Variants in SLC39A11 observed in about 807,000 individuals in gnomAD.
The protein encoded by SLC39A11 is solute carrier family 39 member 11.
SLC39A11 carries 33 observed loss-of-function variants against 36.1 expected under a neutral mutation model. The ratio of observed to expected loss-of-function variants is 0.91; its 90% CI spans 0.69 to 1.22. The LOEUF is 1.22. Among genes scored for constraint, SLC39A11 ranks in the 50% most tolerant of loss-of-function variants. SLC39A11 has a pLI of 0.00. For missense variants in SLC39A11, 432 were observed against 430.3 expected, an observed-to-expected ratio of 1.00 and a Z score of -0.03; for synonymous variants, 166 against 170.3, an observed-to-expected ratio of 0.97 and a Z score of 0.20.
At chr17:72,966,759 G>A (rs865993102) in intron 4 of SLC39A11, among the ~76,000 whole-genome samples, 2 of 151,974 alleles carry the variant, frequency 1.3e-5, no homozygotes, top group African/African-American at 4.8e-5. Flanking sequence ...TTAGTAGAGA[G>A]GGGGTTTCCC....
intron 6 of SLC39A11, among the ~76,000 whole-genome samples, chr17:72,740,397 A>G (rs2144087433): frequency 6.6e-6 from 1 of 152,160 alleles, no homozygotes; most frequent in East Asian, 1.9e-4. Flanking sequence ...ATCATAAGGA[A>G]GAGAAAATAC....
intron 6 of SLC39A11, among the ~76,000 whole-genome samples, chr17:72,789,994 G>C (rs960187482): frequency 3.3e-5 from 5 of 152,220 alleles, no homozygotes; most frequent in African/African-American, 1.2e-4. Flanking sequence ...AGGGATGCCA[G>C]AATGCTATGA....
chr17:72,927,525 C>CA (rs142581905), intron 5 of SLC39A11, among the ~76,000 whole-genome samples: 2,165 of 152,222 alleles, frequency 0.014, 24 homozygotes, highest in Middle Eastern at 0.048. Flanking sequence ...TGCTTTAAAA[C>CA]AAAAAACTCC....
At chr17:72,690,965 T>G (rs2071999770) in intron 7 of SLC39A11, among the ~76,000 whole-genome samples, 1 of 151,954 alleles carries the variant, frequency 6.6e-6, no homozygotes. Flanking sequence ...ATTTCCCAAA[T>G]CTGTACAAGG....
At chr17:73,030,852 A>G (rs2148668731) in intron 4 of SLC39A11, among the ~76,000 whole-genome samples, 1 of 152,304 alleles carries the variant, frequency 6.6e-6, no homozygotes, top group Middle Eastern at 3.4e-3. Flanking sequence ...TCACAGCCAC[A>G]TGCCAGGCTG....
chr17:72,672,693 G>A (rs1284784702), intron 7 of SLC39A11, among the ~76,000 whole-genome samples: 1 of 152,098 alleles, frequency 6.6e-6, no homozygotes, highest in Non-Finnish European at 1.5e-5. Flanking sequence ...TCAAACTCCT[G>A]GGCTCCAGTG....
chr17:72,734,431 C>T (rs1355703487), intron 7 of SLC39A11, among the ~76,000 whole-genome samples: 1 of 152,126 alleles, frequency 6.6e-6, no homozygotes, highest in African/African-American at 2.4e-5. Flanking sequence ...CAGGCTGTGA[C>T]AATAATGGGT....
At chr17:72,770,996 T>C (rs1181614453) in intron 6 of SLC39A11, among the ~76,000 whole-genome samples, 1 of 152,036 alleles carries the variant, frequency 6.6e-6, no homozygotes, top group South Asian at 2.1e-4. Context: ...ATCTTAATGA[T>C]GTTAAAAAGT....
chr17:73,066,238 C>A (rs966601566), intron 3 of SLC39A11, among the ~76,000 whole-genome samples: 1 of 152,150 alleles, frequency 6.6e-6, no homozygotes, highest in Non-Finnish European at 1.5e-5. Context: ...AGGCAACAAA[C>A]ACCAAGGCCC....
In SLC39A11 at chr17:72,978,826, CTG is replaced by C. The variant is rs1035914061; in HGVS notation, c.307-30953_307-30952del. On this transcript the variant is annotated intron_variant, in intron 4 of 9. Transcript: ENST00000255559. ...AACGAAAGGAAACAACAAATCATCT[CTG>C]TTATCATTGAACACTTAGGGCACGC... is the stretch of plus-strand genomic sequence containing the variant. Among the ~76,000 whole-genome samples the C allele has an allele frequency of 2.0e-5, 3 of 152,224 alleles. No homozygotes were observed. In the East Asian group the frequency reaches 5.8e-4, roughly 29 times the overall value.
intron 4 of SLC39A11, among the ~76,000 whole-genome samples, chr17:72,982,005 G>GTTCTT (rs1458332747): frequency 6.6e-6 from 1 of 152,130 alleles, no homozygotes; most frequent in African/African-American, 2.4e-5. Context: ...CCACTTGGGA[G>GTTCTT]GCCAAGGCAA....
chr17:72,875,228 G>GT (rs1434395996), intron 5 of SLC39A11, among the ~76,000 whole-genome samples: 1 of 152,210 alleles, frequency 6.6e-6, no homozygotes, highest in African/African-American at 2.4e-5. Context: ...CATTAACACT[G>GT]TAAATATTCC....
intron 5 of SLC39A11, among the ~76,000 whole-genome samples, chr17:72,922,705 T>C (rs888063710): frequency 3.3e-5 from 5 of 152,140 alleles, no homozygotes; most frequent in African/African-American, 9.7e-5. Context: ...TGGTGGCTCA[T>C]GCCTATAATC....
Position 72,704,941 on chromosome 17 carries a change from T to C in SLC39A11, c.671+31709A>G, listed in dbSNP as rs563599595. On this transcript the variant is annotated intron_variant, in intron 7 of 9. Coordinates refer to ENST00000255559, the MANE Select transcript of SLC39A11 (RefSeq NM_139177.4). ...GTTTGGACTTGAACCTGGGAGGATA[T>C]AGGGCTGGAGTCATTAGCAGGAAGC... is the stretch of plus-strand genomic sequence containing the variant. 2.0e-5 allele frequency among the ~76,000 whole-genome samples: 3 copies of C among 152,218 alleles called. No homozygotes were observed. The East Asian group carries it at 5.8e-4, about 29-fold the overall frequency.
chr17:73,063,622 A>T (rs1228753353), intron 3 of SLC39A11, among the ~76,000 whole-genome samples: 1 of 152,166 alleles, frequency 6.6e-6, no homozygotes, highest in Non-Finnish European at 1.5e-5. Flanking sequence ...TCAAAAAAAA[A>T]ATTAAAATTA....
intron 5 of SLC39A11, among the ~76,000 whole-genome samples, chr17:72,910,461 T>C (rs944032506): frequency 7.9e-5 from 12 of 151,760 alleles, no homozygotes; most frequent in African/African-American, 2.9e-4. Flanking sequence ...CCATCTCTAC[T>C]AAAAATACAA....
intron 3 of SLC39A11, among the ~76,000 whole-genome samples, chr17:73,053,348 A>C (rs2059569879): frequency 6.6e-6 from 1 of 152,102 alleles, no homozygotes; most frequent in Admixed American, 6.6e-5. Context: ...TAGGGATAAA[A>C]GAGGTAAGTA....
intron 5 of SLC39A11, among the ~76,000 whole-genome samples, chr17:72,914,705 T>TA (rs2083234284): frequency 2.0e-5 from 3 of 152,030 alleles, no homozygotes; most frequent in Admixed American, 1.3e-4. Context: ...ACATGGCTAC[T>TA]AAAAATACAA....
At chr17:73,026,466 C>G (rs932712991) in intron 4 of SLC39A11, among the ~76,000 whole-genome samples, 6 of 148,322 alleles carry the variant, frequency 4.0e-5, no homozygotes, top group African/African-American at 1.5e-4. Context: ...TTGCAGTGAG[C>G]CAGGATCGCA....
Sources: gnomAD v4.1 joint callset for allele counts (sites outside exome capture counted in the v4.1 genomes callset) on GRCh38, gnomAD v4.1.1 for gene constraint, MANE v1.5 for transcripts, NCBI Gene and HGNC (gene_info 2026-07-23, HGNC 2026-07-21) for gene names.